The following SORL1 variants were observed in gnomAD, a reference collection of about 807,000 sequenced individuals.
SORL1 encodes sortilin-related receptor.
In SORL1, 127 loss-of-function variants were observed where a neutral mutation model predicts 273.7. The ratio of observed to expected loss-of-function variants is 0.46; its 90% CI spans 0.40 to 0.54. SORL1 has a LOEUF of 0.54. Ranked by LOEUF, SORL1 falls within the 20% of genes least tolerant of loss-of-function variation. SORL1 has a pLI of 0.00. For synonymous variants in SORL1, 1,031 were observed against 1,067.4 expected (o/e 0.97, Z 0.66); for missense variants, 2,494 against 2,846.1 (o/e 0.88, Z 2.81).
chr11:121,564,295 A>G (rs1565337911), intron 21 of SORL1, among the ~76,000 whole-genome samples: 1 of 152,132 alleles, frequency 6.6e-6, no homozygotes, highest in Non-Finnish European at 1.5e-5. Context: ...TAGCCTAGAC[A>G]TTCCTGCCCC....
chr11:121,498,736 TG>T (rs1468546997), intron 6 of SORL1, among the ~76,000 whole-genome samples: 1 of 152,044 alleles, frequency 6.6e-6, no homozygotes, highest in Non-Finnish European at 1.5e-5. Flanking sequence ...ATTAGTCTGG[TG>T]TGGTGGCACA....
intron 24 of SORL1, chr11:121,577,015 G>A: frequency 7.3e-7 from 1 of 1,373,436 alleles, no homozygotes; most frequent in Non-Finnish European, 1.0e-6. Context: ...TGGGATGAAT[G>A]GACAAGGATG....
Position 121,567,909 on chromosome 11 carries a change from TAAAGAGACAAG to T in SORL1, c.3223+806_3223+816del, listed in dbSNP as rs139730374. 7.3e-3 allele frequency among the ~76,000 whole-genome samples: 1,105 copies of T among 152,240 alleles called. 11 individuals carry two copies. Among genetic ancestry groups the T allele is most frequent in the African/African-American group, 0.025 (1,050 of 41,532 alleles). ...TTTGCCTTTTTTTTTATATATATTT[TAAAGAGACAAG>T]AAAGAGACAGGGTCTTGCTGTATTG... On this transcript the variant is annotated intron_variant, in intron 22 of 47. Coordinates refer to ENST00000260197, the MANE Select transcript of SORL1 (RefSeq NM_003105.6).
chr11:121,503,428 A>G (rs2134831591), intron 6 of SORL1, among the ~76,000 whole-genome samples: 1 of 152,086 alleles, frequency 6.6e-6, no homozygotes, highest in Non-Finnish European at 1.5e-5. Context: ...AAAAGGCTAT[A>G]CTTTTTCCTT....
At chr11:121,607,982 G>T in intron 37 of SORL1, 122 bp from the exon 38 acceptor site, 1 of 770,904 alleles carries the variant, frequency 1.3e-6, no homozygotes, top group Non-Finnish European at 2.1e-6. Flanking sequence ...GGATCACTCT[G>T]TATAAAATTT....
chr11:121,485,733 G>A (rs1861464001), intron 3 of SORL1, among the ~76,000 whole-genome samples: 1 of 152,156 alleles, frequency 6.6e-6, no homozygotes, highest in Non-Finnish European at 1.5e-5. Context: ...GCAGGAAGAT[G>A]GACTATGTTA....
chr11:121,520,577 T>G, intron 8 of SORL1, 80 bp from the exon 9 acceptor site: 1 of 1,028,700 alleles, frequency 9.7e-7, no homozygotes, highest in Non-Finnish European at 1.4e-6. Context: ...TGTATACTTT[T>G]AAATGGTCAA....
At chr11:121,455,983 A>C (rs1860896848) in intron 1 of SORL1, among the ~76,000 whole-genome samples, 1 of 146,966 alleles carries the variant, frequency 6.8e-6, no homozygotes, top group Non-Finnish European at 1.5e-5. Context: ...ACAGAGTGAG[A>C]CTCCATCTAA....
In SORL1 at chr11:121,545,437, C is replaced by G; in HGVS notation, c.2051+8C>G. 1.9e-6 allele frequency: 3 copies of G among 1,613,426 alleles called. No homozygotes were observed. Among genetic ancestry groups the G allele is most frequent in the Non-Finnish European group, 2.5e-6 (3 of 1,179,580 alleles). ...CCGGGAGGACTATGAGTGGTCAGTT[C>G]TTCTTTGATGGCTGGGGACTGAGTT... On this transcript the variant is annotated splice_region_variant and intron_variant, in intron 14 of 47. Coordinates refer to ENST00000260197, the MANE Select transcript of SORL1 (RefSeq NM_003105.6).
At chr11:121,598,544 G>A (rs370744112) in intron 32 of SORL1, among the ~76,000 whole-genome samples, 1 of 152,160 alleles carries the variant, frequency 6.6e-6, no homozygotes, top group African/African-American at 2.4e-5. Flanking sequence ...TCAGAAACCG[G>A]GGCATTCTTG....
intron 38 of SORL1, 169 bp downstream of exon 38, chr11:121,608,345 A>T: frequency 1.7e-6 from 1 of 599,492 alleles, no homozygotes. Flanking sequence ...CTTTAGATAG[A>T]GTCTTTTTGG....
At chr11:121,531,271 G>T (rs1040343931) in intron 11 of SORL1, among the ~76,000 whole-genome samples, 3 of 152,290 alleles carry the variant, frequency 2.0e-5, no homozygotes, top group Middle Eastern at 3.4e-3. Context: ...GTGCATGCCT[G>T]TAATCCCAGC....
At chr11:121,481,618 T>C (rs1295674566) in intron 3 of SORL1, among the ~76,000 whole-genome samples, 4 of 71,312 alleles carry the variant, frequency 5.6e-5, no homozygotes, top group Non-Finnish European at 1.1e-4. Context: ...TAGGCAGGCT[T>C]CATCTCCCCA....
In SORL1 at chr11:121,554,036, C is replaced by T. The variant is rs200352944; in HGVS notation, c.2366C>T (p.Ala789Val). The T allele has an allele frequency of 5.5e-5, 88 of 1,614,202 alleles. No homozygotes were observed. The highest frequency in any genetic ancestry group is 2.3e-5 in the Non-Finnish European group (27 of 1,180,012). ...CAGTTGCCTCTCACCGGGCTACGGG[C>T]AGCAGTGGCCCTGGACTTTGACTAT... is the stretch of plus-strand genomic sequence containing the variant. ...TEQLPLTGLR[A>V]AVALDFDYEH... Residue 789 changes from alanine to valine, a missense_variant, in exon 17 of 48, where the codon GCA (alanine) becomes GTA (valine). Physicochemically the swap from Ala to Val is moderately conservative, Grantham distance 64. This residue lies in a region of SORL1 where 710 missense variants were observed against 882.5 expected (regional missense o/e 0.80). Coordinates refer to ENST00000260197, the MANE Select transcript of SORL1 (RefSeq NM_003105.6). The surrounding 1 kb of genome is among the most constrained non-coding windows in gnomAD (Gnocchi z 4.6).
intron 8 of SORL1, among the ~76,000 whole-genome samples, chr11:121,516,447 G>A (rs1467230590): frequency 6.6e-6 from 1 of 152,184 alleles, no homozygotes; most frequent in Non-Finnish European, 1.5e-5. Context: ...GAGAGCTGGG[G>A]CAGGGGCAAT....
At position 121,554,122 on chromosome 11, in the gene SORL1, T is replaced by C. The variant is rs1251865214; in HGVS notation, c.2439+13T>C. On this transcript the variant is annotated intron_variant, in intron 17 of 47. Coordinates refer to ENST00000260197, the MANE Select transcript of SORL1 (RefSeq NM_003105.6). This position sits in a 1 kb window ranked among gnomAD's most constrained non-coding sequence, Gnocchi z 4.6. ...GGACGTCATCCAGGTGAGTCAGCGC[T>C]TGGTCTGACTGTGGGAGCTGTGCAT... The C allele has an allele frequency of 6.2e-7, 1 of 1,611,176 alleles. No individual in the cohort carries two copies. The highest frequency in any genetic ancestry group is 1.7e-5 in the Admixed American group (1 of 59,890).
At position 121,554,238 on chromosome 11, in the gene SORL1, A is replaced by C; in HGVS notation, c.2439+129A>C. ...GTAAGTGTTACTCATCTCAGGGCTG[A>C]CAGGTGAAAGTTTCCAGTCTTCTGT... On this transcript the variant is annotated intron_variant, in intron 17 of 47. Transcript: ENST00000260197. The surrounding 1 kb of genome is among the most constrained non-coding windows in gnomAD (Gnocchi z 4.6). 1.3e-6 allele frequency: 1 copy of C among 763,454 alleles called. No individual in the cohort carries two copies. Among genetic ancestry groups the C allele is most frequent in the Non-Finnish European group, 2.1e-6 (1 of 477,152 alleles). The allele number at this position is 763,454 out of a possible 1,614,324, so 47.3% of individuals were successfully genotyped here.
chr11:121,591,194 T>G (rs781188731), intron 31 of SORL1, 38 bp downstream of exon 31: 7 of 1,609,004 alleles, frequency 4.4e-6, no homozygotes, highest in Admixed American at 1.7e-5. Flanking sequence ...TGGTACCTGC[T>G]ATTGTGGAGA....
chr11:121,458,396 A>G (rs1196039953), intron 1 of SORL1, among the ~76,000 whole-genome samples: 1 of 152,224 alleles, frequency 6.6e-6, no homozygotes. Flanking sequence ...ACCTGGGGGC[A>G]TTACATTGAC....
Sources: gnomAD v4.1 joint callset for allele counts (sites outside exome capture counted in the v4.1 genomes callset) on GRCh38, gnomAD v4.1.1 for gene constraint, gnomAD v4.1.1 regional missense constraint, Gnocchi (gnomAD v3.1) non-coding constraint, MANE v1.5 for transcripts, NCBI Gene and HGNC (gene_info 2026-07-23, HGNC 2026-07-21) for gene names.